MSRA: variants seen among roughly 807,000 people sequenced by gnomAD.
The protein encoded by MSRA is mitochondrial peptide methionine sulfoxide reductase.
A neutral mutation model predicts 31.3 loss-of-function variants in MSRA; 54 were observed. The observed-to-expected ratio is 1.73, with a 90% confidence interval of 1.39 to 2.17. MSRA has a LOEUF of 2.17. Among genes scored for constraint, MSRA ranks in the 30% most tolerant of loss-of-function variants. The pLI, the probability that MSRA is intolerant of heterozygous loss-of-function variation, is 0.00. For missense variants in MSRA, 507 were observed against 300.9 expected, an observed-to-expected ratio of 1.69 and a Z score of -5.07; for synonymous variants, 169 against 116.5, an observed-to-expected ratio of 1.45 and a Z score of -2.90.
chr8:10,071,547 C>T (rs1245240680), intron 1 of MSRA, among the ~76,000 whole-genome samples: 1 of 145,840 alleles, frequency 6.9e-6, no homozygotes, highest in African/African-American at 2.5e-5. Context: ...TTTCATGGAT[C>T]ATGTTTTCAT....
chr8:10,258,357 G>C (rs1798292019), intron 3 of MSRA, among the ~76,000 whole-genome samples: 1 of 152,200 alleles, frequency 6.6e-6, no homozygotes, highest in Non-Finnish European at 1.5e-5. Context: ...AAAACACCCA[G>C]CTAAGACTCA....
rs550520064 is a variant in MSRA at position 10,227,882 on chromosome 8, C to T, written c.212-17222C>T. On this transcript the variant is annotated intron_variant, in intron 2 of 5. Coordinates refer to ENST00000317173, the MANE Select transcript of MSRA (RefSeq NM_012331.5). ...TAGGGATAAGGAAGGTGTCTTGTTG[C>T]ATTATTTAACATGATGTAGATTTTC... is the stretch of plus-strand genomic sequence containing the variant. Among the ~76,000 whole-genome samples the T allele has an allele frequency of 6.6e-5, 10 of 152,252 alleles. No homozygotes were observed. The South Asian group carries it at 1.7e-3, about 25-fold the overall frequency.
At chr8:10,326,487 TAAG>T (rs1206870220) in intron 5 of MSRA, 12 of 152,160 alleles carry the variant, frequency 7.9e-5, no homozygotes, top group African/African-American at 2.4e-4. Context: ...AGGAAAGACT[TAAG>T]GAGGAGGATG....
chr8:10,083,432 T>A (rs1189205009), intron 1 of MSRA, among the ~76,000 whole-genome samples: 1 of 152,216 alleles, frequency 6.6e-6, no homozygotes, highest in African/African-American at 2.4e-5. Context: ...CTGATTTTGA[T>A]CCAAATATAA....
chr8:10,216,494 T>C (rs960247341), intron 2 of MSRA, among the ~76,000 whole-genome samples: 1 of 152,196 alleles, frequency 6.6e-6, no homozygotes, highest in African/African-American at 2.4e-5. Flanking sequence ...CTTCACATTG[T>C]TTTGTACCCA....
intron 1 of MSRA, among the ~76,000 whole-genome samples, chr8:10,109,786 G>A (rs1485169410): frequency 6.6e-6 from 1 of 152,202 alleles, no homozygotes; most frequent in Non-Finnish European, 1.5e-5. Context: ...TTCATTTCAT[G>A]ATGGTTGTTT....
At chr8:10,092,424 C>T (rs554851334) in intron 1 of MSRA, among the ~76,000 whole-genome samples, 22 of 152,092 alleles carry the variant, frequency 1.4e-4, no homozygotes, top group East Asian at 7.7e-4. Flanking sequence ...TTTGGGAGGC[C>T]GAGGTGGGCA....
At chr8:10,083,459 G>C (rs965771986) in intron 1 of MSRA, among the ~76,000 whole-genome samples, 2 of 152,162 alleles carry the variant, frequency 1.3e-5, no homozygotes, top group Non-Finnish European at 2.9e-5. Flanking sequence ...CACAATGATG[G>C]AGAAATATTT....
intron 3 of MSRA, among the ~76,000 whole-genome samples, chr8:10,269,122 G>A (rs1434095478): frequency 6.6e-6 from 1 of 151,992 alleles, no homozygotes; most frequent in Non-Finnish European, 1.5e-5. Context: ...TCGATGGATT[G>A]TTACCACAAA....
chr8:10,155,558 G>T (rs1010202757), intron 1 of MSRA, among the ~76,000 whole-genome samples: 1 of 152,138 alleles, frequency 6.6e-6, no homozygotes, highest in Non-Finnish European at 1.5e-5. Flanking sequence ...CTTCGTTTCT[G>T]AATTTCTCTT....
chr8:10,262,947 C>T (rs1037266660), intron 3 of MSRA, among the ~76,000 whole-genome samples: 1 of 152,166 alleles, frequency 6.6e-6, no homozygotes, highest in Non-Finnish European at 1.5e-5. Flanking sequence ...CTTCTGATGA[C>T]TTTAGTAGCT....
At chr8:10,197,324 A>T (rs1376741293) in intron 1 of MSRA, among the ~76,000 whole-genome samples, 2 of 152,134 alleles carry the variant, frequency 1.3e-5, no homozygotes, top group Non-Finnish European at 2.9e-5. Context: ...CAAAGGTGAA[A>T]ATGGATTTCT....
intron 5 of MSRA, among the ~76,000 whole-genome samples, chr8:10,417,591 A>T (rs560730877): frequency 6.6e-6 from 1 of 152,294 alleles, no homozygotes; most frequent in Admixed American, 6.5e-5. Context: ...TGCCCAGCTC[A>T]GAATAGATGA....
At chr8:10,142,545 C>G (rs1266925255) in intron 1 of MSRA, among the ~76,000 whole-genome samples, 1 of 152,238 alleles carries the variant, frequency 6.6e-6, no homozygotes, top group Non-Finnish European at 1.5e-5. Context: ...AGGTGAAGCT[C>G]TGATTTTTCC....
chr8:10,068,951 T>C (rs899933932), intron 1 of MSRA, among the ~76,000 whole-genome samples: 2 of 152,226 alleles, frequency 1.3e-5, no homozygotes, highest in African/African-American at 4.8e-5. Context: ...TAGATATATT[T>C]CTTTCATCAG....
intron 3 of MSRA, among the ~76,000 whole-genome samples, chr8:10,279,557 C>T (rs12678816): frequency 6.6e-6 from 1 of 152,054 alleles, no homozygotes; most frequent in Non-Finnish European, 1.5e-5. Context: ...CTCTGACTCT[C>T]CCGTTATATC....
chr8:10,379,248 G>A (rs1213601133), intron 5 of MSRA, among the ~76,000 whole-genome samples: 4 of 151,884 alleles, frequency 2.6e-5, no homozygotes, highest in Non-Finnish European at 2.9e-5. Flanking sequence ...ACTGCCCAAT[G>A]CCTAACCTTC....
At chr8:10,240,427 C>T (rs1352119192) in intron 2 of MSRA, among the ~76,000 whole-genome samples, 3 of 152,212 alleles carry the variant, frequency 2.0e-5, no homozygotes, top group African/African-American at 4.8e-5. Flanking sequence ...CCAGTGAAGA[C>T]ACTGGCTGGC....
intron 1 of MSRA, among the ~76,000 whole-genome samples, chr8:10,127,678 A>G (rs1801599467): frequency 6.6e-6 from 1 of 152,216 alleles, no homozygotes; most frequent in Non-Finnish European, 1.5e-5. Flanking sequence ...TACTAGTTAT[A>G]TTTATGGATA....
Sources: gnomAD v4.1 joint callset for allele counts (sites outside exome capture counted in the v4.1 genomes callset) on GRCh38, gnomAD v4.1.1 for gene constraint, MANE v1.5 for transcripts, NCBI Gene and HGNC (gene_info 2026-07-23, HGNC 2026-07-21) for gene names.